Variants in NR6A1 observed in about 807,000 individuals in gnomAD.
NR6A1 encodes the protein nuclear receptor subfamily 6 group A member 1, also known as retinoic acid receptor-related testis-associated receptor.
NR6A1 carries 7 observed loss-of-function variants against 59.1 expected under a neutral mutation model. The observed-to-expected ratio is 0.12, with a 90% CI of 0.07 to 0.22. The LOEUF is 0.22. NR6A1 is among the 10% of genes least tolerant of loss of function. The pLI is 1.00. For missense variants in NR6A1, 468 were observed against 611.6 expected (o/e 0.77, Z 2.48); for synonymous variants, 243 against 236.1 (o/e 1.03, Z -0.27).
chr9:124,599,265 A>G (rs1835375855), intron 2 of NR6A1: 1 of 420,870 alleles, frequency 2.4e-6, no homozygotes, highest in South Asian at 2.1e-5. Flanking sequence ...CAACATGGTG[A>G]AACCCCATCT....
rs1368128856 is a variant in NR6A1 at position 124,519,864 on chromosome 9, T to G, written c.*2841A>C. On this transcript the variant is annotated 3_prime_UTR_variant, in exon 10 of 10. Coordinates refer to ENST00000487099, the MANE Select transcript of NR6A1 (RefSeq NM_033334.4). ...TTGCAGTGAGCCAAGATCGCACCAC[T>G]GCACTCCAGCCTGAGCGACAGAGCG... The G allele has an allele frequency of 8.1e-6, 1 of 124,172 alleles. No homozygotes were observed. Among genetic ancestry groups the G allele is most frequent in the Non-Finnish European group, 1.5e-5 (1 of 64,934 alleles). The allele number at this position is 124,172 out of a possible 1,614,324, so 7.7% of individuals were successfully genotyped here. A position where few individuals can be genotyped will look rare whatever the true frequency, so the allele number is the denominator to read the frequency against.
At position 124,688,158 on chromosome 9, in the gene NR6A1, C is replaced by CA. The variant is rs943704005; in HGVS notation, c.142+45149dup. 4.6e-5 allele frequency among the ~76,000 whole-genome samples: 7 copies of CA among 150,848 alleles called. No homozygotes were observed. In the East Asian group the frequency reaches 5.8e-4, roughly 13 times the overall value. ...GGAACATAGTGAGACCCTGTCTGTA[C>CA]AAAAAAAAATTTCTAAATCAGCCAG... On this transcript the variant is annotated intron_variant, in intron 2 of 9. Coordinates refer to ENST00000487099, the MANE Select transcript of NR6A1 (RefSeq NM_033334.4).
chr9:124,739,009 A>C (rs1840098358), intron 1 of NR6A1, among the ~76,000 whole-genome samples: 2 of 150,718 alleles, frequency 1.3e-5, no homozygotes, highest in South Asian at 2.1e-4. Flanking sequence ...CTAAAAAAAA[A>C]AAAAATACAA....
intron 2 of NR6A1, among the ~76,000 whole-genome samples, chr9:124,714,658 G>A (rs1839365346): frequency 6.6e-6 from 1 of 151,988 alleles, no homozygotes; most frequent in Non-Finnish European, 1.5e-5. Flanking sequence ...ATTTTTTAAA[G>A]TTACTAGAAC....
intron 6 of NR6A1, among the ~76,000 whole-genome samples, chr9:124,536,457 G>T (rs1313451592): frequency 6.6e-6 from 1 of 151,988 alleles, no homozygotes; most frequent in African/African-American, 2.4e-5. Flanking sequence ...TCAGGAGTTC[G>T]AGACCAGCCT....
intron 2 of NR6A1, among the ~76,000 whole-genome samples, chr9:124,729,938 G>A (rs988751232): frequency 1.3e-4 from 20 of 151,400 alleles, no homozygotes; most frequent in Admixed American, 9.9e-4. Flanking sequence ...TCAGCCTCCC[G>A]AGTAGCTGGG....
intron 1 of NR6A1, among the ~76,000 whole-genome samples, chr9:124,764,183 CAA>C (rs199757295): frequency 1.2e-4 from 14 of 117,622 alleles, no homozygotes; most frequent in Admixed American, 1.8e-4. Context: ...GACTCCATCA[CAA>C]AAAAAAAAAA....
chr9:124,567,609 G>GAA (rs1834302384), intron 2 of NR6A1, among the ~76,000 whole-genome samples: 1 of 151,748 alleles, frequency 6.6e-6, no homozygotes, highest in African/African-American at 2.4e-5. Context: ...CCACAAAAAG[G>GAA]AAAAACAAAC....
intron 2 of NR6A1, among the ~76,000 whole-genome samples, chr9:124,558,088 T>C (rs1833980157): frequency 6.6e-6 from 1 of 152,200 alleles, no homozygotes; most frequent in Non-Finnish European, 1.5e-5. Flanking sequence ...AGAAAGTGGC[T>C]GACCCTGAAC....
chr9:124,534,527 G>A (rs1163911362), intron 7 of NR6A1, among the ~76,000 whole-genome samples: 1 of 152,208 alleles, frequency 6.6e-6, no homozygotes, highest in Non-Finnish European at 1.5e-5. Flanking sequence ...ACAGCAGGGA[G>A]ACAACCCACT....
At chr9:124,591,733 T>G (rs967984840) in intron 2 of NR6A1, among the ~76,000 whole-genome samples, 1 of 152,142 alleles carries the variant, frequency 6.6e-6, no homozygotes, top group Non-Finnish European at 1.5e-5. Flanking sequence ...GACCTTTACA[T>G]CTATCAGGCT....
In NR6A1 at chr9:124,552,581, C is replaced by T. The variant is rs531215765; in HGVS notation, c.385+1747G>A. On this transcript the variant is annotated intron_variant, in intron 3 of 9. Transcript: ENST00000487099. ...TGTGAAGCAGTACATTGTCCGTGTC[C>T]GTATTAAGCAGGTACAAGCTCTGCT... Among the ~76,000 whole-genome samples, 6 of 152,204 alleles carry T rather than the reference C, an allele frequency of 3.9e-5. No homozygotes were observed. In the South Asian group the frequency reaches 1.0e-3, roughly 26 times the overall value.
At chr9:124,695,806 A>G (rs2131033474) in intron 2 of NR6A1, among the ~76,000 whole-genome samples, 1 of 152,338 alleles carries the variant, frequency 6.6e-6, no homozygotes, top group Middle Eastern at 3.4e-3. Flanking sequence ...TTCTGAAAAC[A>G]TTAGAAAAGA....
At chr9:124,683,671 T>C (rs1358625629) in intron 2 of NR6A1, among the ~76,000 whole-genome samples, 1 of 152,188 alleles carries the variant, frequency 6.6e-6, no homozygotes, top group Non-Finnish European at 1.5e-5. Context: ...GCACCACCTG[T>C]AATCCCAACT....
chr9:124,660,768 C>T (rs1564223829), intron 2 of NR6A1, among the ~76,000 whole-genome samples: 4 of 151,976 alleles, frequency 2.6e-5, no homozygotes, highest in Admixed American at 2.6e-4. Flanking sequence ...AGTCACGAGT[C>T]CCATGTGCTC....
chr9:124,678,425 C>A (rs997355923), intron 2 of NR6A1, among the ~76,000 whole-genome samples: 3 of 152,184 alleles, frequency 2.0e-5, no homozygotes, highest in African/African-American at 7.2e-5. Context: ...GCAATGTGCA[C>A]CACTGTTGAT....
intron 2 of NR6A1, among the ~76,000 whole-genome samples, chr9:124,611,107 T>A (rs1196855456): frequency 6.6e-6 from 1 of 151,684 alleles, no homozygotes; most frequent in Non-Finnish European, 1.5e-5. Flanking sequence ...GAGTTAAACA[T>A]GTTCAGTGTC....
chr9:124,616,947 C>A lies in NR6A1; in HGVS notation c.143-62377G>T, dbSNP rs375286868. ...TCTACCAACATTTAAACTACACACACCCTGTGACCCAAAAATACCACTTCT... is the reference window on the plus strand; with the variant it reads ...TCTACCAACATTTAAACTACACACAACCTGTGACCCAAAAATACCACTTCT... On this transcript the variant is annotated intron_variant, in intron 2 of 9. Transcript: ENST00000487099. 1.1e-3 allele frequency among the ~76,000 whole-genome samples: 165 copies of A among 152,302 alleles called. 1 individual carries two copies. Among genetic ancestry groups the A allele is most frequent in the South Asian group, 5.8e-3 (28 of 4,824 alleles).
At position 124,651,192 on chromosome 9, in the gene NR6A1, G is replaced by T. The variant is rs7854109; in HGVS notation, c.142+82116C>A. On this transcript the variant is annotated intron_variant, in intron 2 of 9. Coordinates refer to ENST00000487099, the MANE Select transcript of NR6A1 (RefSeq NM_033334.4). ...CTGCCTCAGCCTCCCAAGTAGCTAG[G>T]ACTACAAGTGTGTGCCACTATGCCT... Among the ~76,000 whole-genome samples, 691 of 152,220 alleles carry T rather than the reference G, an allele frequency of 4.5e-3. 3 individuals carry two copies. Among genetic ancestry groups the T allele is most frequent in the African/African-American group, 0.016 (668 of 41,544 alleles).
Sources: gnomAD v4.1 joint callset for allele counts (sites outside exome capture counted in the v4.1 genomes callset) on GRCh38, gnomAD v4.1.1 for gene constraint, MANE v1.5 for transcripts, NCBI Gene and HGNC (gene_info 2026-07-23, HGNC 2026-07-21) for gene names.